MAPK9: variants seen among roughly 807,000 people sequenced by gnomAD.
MAPK9 encodes the protein mitogen-activated protein kinase 9, also known as Jun kinase.
MAPK9 carries 30 observed loss-of-function variants against 57.1 expected under a neutral mutation model. That is an observed-to-expected ratio of 0.53 (90% CI 0.39 to 0.71). The LOEUF (loss-of-function observed/expected upper bound fraction) is 0.71. Among genes scored for constraint, MAPK9 ranks in the 30% least tolerant of loss-of-function variants. The pLI, the probability that MAPK9 is intolerant of heterozygous loss-of-function variation, is 0.00. For missense variants in MAPK9, 362 were observed against 521.0 expected, an observed-to-expected ratio of 0.69 and a Z score of 2.97; for synonymous variants, 155 against 177.0, an observed-to-expected ratio of 0.88 and a Z score of 0.99.
In MAPK9 at chr5:180,268,031, A is replaced by G. The variant is rs374785185; in HGVS notation, c.252+1249T>C. On this transcript the variant is annotated intron_variant, in intron 3 of 11. Transcript: ENST00000452135. ...AGTAGAGATGGGGTTTCACCATGTT[A>G]GCCAGGATGGTCTCTATCTCCTGAC... Among the ~76,000 whole-genome samples, 84 of 152,064 alleles carry G rather than the reference A, an allele frequency of 5.5e-4. No individual in the cohort carries two copies. In the East Asian group the frequency reaches 5.8e-3, roughly 11 times the overall value.
chr5:180,276,489 T>G (rs544212844), intron 2 of MAPK9, among the ~76,000 whole-genome samples: 1 of 152,352 alleles, frequency 6.6e-6, no homozygotes, highest in African/African-American at 2.4e-5. Flanking sequence ...CCACTAGAGC[T>G]TCAAAATCTT....
chr5:180,252,344 C>G (rs2127586675), intron 5 of MAPK9, among the ~76,000 whole-genome samples: 1 of 152,294 alleles, frequency 6.6e-6, no homozygotes, highest in Non-Finnish European at 1.5e-5. Context: ...ACATGCACAG[C>G]AGCTGCGGCC....
chr5:180,252,964 GAGA>G (rs943933155), intron 5 of MAPK9, among the ~76,000 whole-genome samples: 3 of 152,180 alleles, frequency 2.0e-5, no homozygotes, highest in African/African-American at 7.2e-5. Flanking sequence ...AACTTATGTG[GAGA>G]AGTAGAGCTG....
At position 180,285,759 on chromosome 5, in the gene MAPK9, A is replaced by G. The variant is rs1350297242; in HGVS notation, c.-47-5151T>C. 6.6e-5 allele frequency among the ~76,000 whole-genome samples: 8 copies of G among 120,442 alleles called. No individual in the cohort carries two copies. In the South Asian group the frequency reaches 1.1e-3, roughly 17 times the overall value. The allele number at this position is 120,442 out of a possible 152,430, so 79.0% of individuals were successfully genotyped here. A position where few individuals can be genotyped will look rare whatever the true frequency, so the allele number is the denominator to read the frequency against. Reference sequence around the variant, plus strand: ...GGCAACATGGTGAGGCTTCAACTCTATATTAAACAATAATAATAATAATAA... The same window carrying G: ...GGCAACATGGTGAGGCTTCAACTCTGTATTAAACAATAATAATAATAATAA... On this transcript the variant is annotated intron_variant, in intron 1 of 11. Transcript: ENST00000452135.
At position 180,251,978 on chromosome 5, in the gene MAPK9, C is replaced by T. The variant is rs577694771; in HGVS notation, c.451-2840G>A. Among the ~76,000 whole-genome samples, 11 of 152,266 alleles carry T rather than the reference C, an allele frequency of 7.2e-5. No individual in the cohort carries two copies. The East Asian group carries it at 1.2e-3, about 16-fold the overall frequency. On this transcript the variant is annotated intron_variant, in intron 5 of 11. Coordinates refer to ENST00000452135, the MANE Select transcript of MAPK9 (RefSeq NM_002752.5). ...CCCACAGGTACCTGTGGCCACCCACCGGGTAAGAACAGCCAGGCACTCTTG... is the reference window on the plus strand; with the variant it reads ...CCCACAGGTACCTGTGGCCACCCACTGGGTAAGAACAGCCAGGCACTCTTG...
intron 1 of MAPK9, among the ~76,000 whole-genome samples, chr5:180,282,288 A>G (rs560635492): frequency 2.6e-5 from 4 of 152,324 alleles, no homozygotes; most frequent in Admixed American, 1.3e-4. Context: ...TCCACTCAAC[A>G]TTTAGGGGGT....
At chr5:180,243,902 C>T (rs1055149648) in intron 7 of MAPK9, among the ~76,000 whole-genome samples, 4 of 152,186 alleles carry the variant, frequency 2.6e-5, no homozygotes, top group African/African-American at 7.2e-5. Flanking sequence ...GGCTGGAGTG[C>T]AGTGGCATGA....
At chr5:180,268,922 G>A (rs1195125124) in intron 3 of MAPK9, among the ~76,000 whole-genome samples, 3 of 151,696 alleles carry the variant, frequency 2.0e-5, no homozygotes, top group Non-Finnish European at 4.4e-5. Context: ...GGTGGATCAT[G>A]GGGCCAGGAG....
chr5:180,255,150 T>C (rs919650248), intron 5 of MAPK9, among the ~76,000 whole-genome samples: 4 of 152,074 alleles, frequency 2.6e-5, no homozygotes, highest in Non-Finnish European at 5.9e-5. Flanking sequence ...TCTACACACA[T>C]CTACACACAA....
At chr5:180,267,197 C>T (rs1760654161) in intron 3 of MAPK9, among the ~76,000 whole-genome samples, 1 of 152,216 alleles carries the variant, frequency 6.6e-6, no homozygotes, top group Non-Finnish European at 1.5e-5. Flanking sequence ...GGAGTTTTTA[C>T]TTTTTTATAT....
chr5:180,237,863 G>A (rs926295668), intron 11 of MAPK9: 1 of 152,504 alleles, frequency 6.6e-6, no homozygotes, highest in Admixed American at 6.5e-5. Context: ...AAGACGCCAG[G>A]TGCGGTGGCT....
At chr5:180,285,585 C>T (rs1390139222) in intron 1 of MAPK9, among the ~76,000 whole-genome samples, 1 of 152,174 alleles carries the variant, frequency 6.6e-6, no homozygotes, top group Non-Finnish European at 1.5e-5. Context: ...CTCACAATCA[C>T]CCTCTGTCTC....
In MAPK9 at chr5:180,238,416, T is replaced by C. The variant is rs35207826; in HGVS notation, c.1061-13A>G. 2.1e-3 allele frequency: 3,294 copies of C among 1,572,382 alleles called. 11 individuals carry two copies. The highest frequency in any genetic ancestry group is 4.3e-3 in the South Asian group (389 of 89,970). On this transcript the variant is annotated splice_polypyrimidine_tract_variant and intron_variant, in intron 10 of 11. Transcript: ENST00000452135. ...TTGTAAATTAGCTCTTTAATAAAAA[T>C]ACAAGTTAAAATGCTTAATCAGTTT...
intron 5 of MAPK9, among the ~76,000 whole-genome samples, chr5:180,256,154 G>T (rs560068272): frequency 6.6e-6 from 1 of 152,376 alleles, no homozygotes; most frequent in South Asian, 2.1e-4. Context: ...GGTGCTAACA[G>T]AGGGCTGGGT....
chr5:180,240,771 T>C (rs529831101), intron 9 of MAPK9, among the ~76,000 whole-genome samples: 2 of 152,356 alleles, frequency 1.3e-5, no homozygotes, highest in Admixed American at 1.3e-4. Flanking sequence ...CTTAATAAAC[T>C]ATGAGCTCAC....
At chr5:180,256,956 T>C (rs933702614) in intron 5 of MAPK9, among the ~76,000 whole-genome samples, 1 of 152,242 alleles carries the variant, frequency 6.6e-6, no homozygotes, top group Non-Finnish European at 1.5e-5. Context: ...CCTTAAATTA[T>C]ATGAAGGTCT....
At chr5:180,251,935 T>C (rs1252561350) in intron 5 of MAPK9, among the ~76,000 whole-genome samples, 1 of 152,186 alleles carries the variant, frequency 6.6e-6, no homozygotes, top group East Asian at 1.9e-4. Context: ...GTCCACTGTC[T>C]GGCCTTGCCG....
Position 180,291,973 on chromosome 5 carries a change from G to GCT in MAPK9, c.-174_-173insAG, listed in dbSNP as rs1561862498. ...GGCCCGCCCCGCTCCGCTCCGCCCC[G>GCT]CCGCCGCCGCCGCCGCCGCCGCCGC... On this transcript the variant is annotated 5_prime_UTR_variant, in exon 1 of 12. Transcript: ENST00000452135. 5.0e-4 allele frequency: 10 copies of GCT among 19,822 alleles called. No individual in the cohort carries two copies. Among genetic ancestry groups the GCT allele is most frequent in the African/African-American group, 1.5e-3 (10 of 6,632 alleles). 1.2% of individuals were successfully genotyped at this position (19,822 alleles called of 1,614,324 possible).
chr5:180,269,193 G>T, intron 3 of MAPK9, 87 bp downstream of exon 3: 1 of 1,384,820 alleles, frequency 7.2e-7, no homozygotes, highest in Non-Finnish European at 1.0e-6. Flanking sequence ...TCCTAGGTCT[G>T]AACTCAATGT....
Sources: allele counts gnomAD v4.1 joint callset (sites outside exome capture counted in the v4.1 genomes callset), GRCh38; gene constraint gnomAD v4.1.1; transcripts MANE v1.5; gene names NCBI Gene and HGNC (gene_info 2026-07-23, HGNC 2026-07-21).